CSNK2A2IP: variants seen among roughly 807,000 people sequenced by gnomAD.
The protein encoded by CSNK2A2IP is casein kinase 2 subunit alpha' interacting protein.
At chr3:88,397,126 C>A in the CSNK2A2IP span, among the ~76,000 whole-genome samples, 65 of 152,128 alleles carry the variant, frequency 4.3e-4, 1 homozygote, top group East Asian at 9.8e-3. Context: ...AAACATTTAC[C>A]GCCCAATAGG....
the CSNK2A2IP span, chr3:88,466,399 AC>A: frequency 8.1e-7 from 1 of 1,231,882 alleles, no homozygotes; most frequent in Non-Finnish European, 1.0e-6. Context: ...TCAGAATACC[AC>A]TTCACCAAAT....
the CSNK2A2IP span, chr3:88,467,455 A>G: frequency 5.0e-6 from 2 of 398,506 alleles, no homozygotes; most frequent in African/African-American, 4.1e-5. Context: ...CAGAAAACCA[A>G]ATCGAAGCCA....
the CSNK2A2IP span, among the ~76,000 whole-genome samples, chr3:88,376,447 A>G: frequency 1.3e-5 from 2 of 151,536 alleles, no homozygotes; most frequent in Non-Finnish European, 3.0e-5. Context: ...CTTGCTACAG[A>G]TCTTCACCTA....
the CSNK2A2IP span, among the ~76,000 whole-genome samples, chr3:88,355,253 A>T: frequency 6.6e-6 from 1 of 152,164 alleles, no homozygotes; most frequent in African/African-American, 2.4e-5. Context: ...TATAATTTCA[A>T]AAAGTTTGGA....
the CSNK2A2IP span, among the ~76,000 whole-genome samples, chr3:88,414,519 G>A: frequency 6.6e-6 from 1 of 151,692 alleles, no homozygotes; most frequent in South Asian, 2.1e-4. Context: ...CTGACCTCAT[G>A]ATCCACCTGC....
At chr3:88,442,145 C>T in the CSNK2A2IP span, among the ~76,000 whole-genome samples, 1 of 152,074 alleles carries the variant, frequency 6.6e-6, no homozygotes, top group Non-Finnish European at 1.5e-5. Context: ...ATATATAAGA[C>T]ACACATGCAC....
chr3:88,427,815 G>A, the CSNK2A2IP span, among the ~76,000 whole-genome samples: 1 of 152,144 alleles, frequency 6.6e-6, no homozygotes, highest in Non-Finnish European at 1.5e-5. Flanking sequence ...CAGGGGTGGA[G>A]CTCTCATGAA....
At chr3:88,402,975 C>G in the CSNK2A2IP span, among the ~76,000 whole-genome samples, 3 of 151,996 alleles carry the variant, frequency 2.0e-5, no homozygotes, top group African/African-American at 4.8e-5. Context: ...CAAATTCAAA[C>G]CAATTTAAAA....
the CSNK2A2IP span, among the ~76,000 whole-genome samples, chr3:88,456,176 C>A: frequency 2.0e-5 from 3 of 152,004 alleles, no homozygotes. Flanking sequence ...CTTTAGCTAT[C>A]AGGATATTTT....
the CSNK2A2IP span, among the ~76,000 whole-genome samples, chr3:88,405,841 C>T: frequency 6.6e-6 from 1 of 152,078 alleles, no homozygotes; most frequent in Non-Finnish European, 1.5e-5. Flanking sequence ...ATTCTTTATT[C>T]CATTAGGGAG....
At chr3:88,378,474 C>T in the CSNK2A2IP span, among the ~76,000 whole-genome samples, 2 of 151,836 alleles carry the variant, frequency 1.3e-5, no homozygotes, top group African/African-American at 4.8e-5. Flanking sequence ...ATGAACTGTT[C>T]AATACTGTAA....
chr3:88,419,343 G>A, the CSNK2A2IP span, among the ~76,000 whole-genome samples: 3 of 151,990 alleles, frequency 2.0e-5, no homozygotes. Flanking sequence ...TCCCACTTAT[G>A]AGAACATGCA....
chr3:88,449,226 CCAAA>C, the CSNK2A2IP span, among the ~76,000 whole-genome samples: 1 of 152,234 alleles, frequency 6.6e-6, no homozygotes, highest in Admixed American at 6.5e-5. Context: ...ATGGGCAAAA[CCAAA>C]CATTTTCCTT....
the CSNK2A2IP span, among the ~76,000 whole-genome samples, chr3:88,462,253 CTGTT>C: frequency 1.3e-5 from 2 of 151,902 alleles, no homozygotes; most frequent in Non-Finnish European, 1.5e-5. Context: ...TTTGTATGCT[CTGTT>C]TAAGAAATCT....
chr3:88,446,731 C>A, the CSNK2A2IP span, among the ~76,000 whole-genome samples: 1 of 152,090 alleles, frequency 6.6e-6, no homozygotes, highest in East Asian at 1.9e-4. Flanking sequence ...TGTGAGAATG[C>A]GATGAATTCT....
chr3:88,464,410 C>G, the CSNK2A2IP span, among the ~76,000 whole-genome samples: 1 of 151,156 alleles, frequency 6.6e-6, no homozygotes, highest in Admixed American at 6.6e-5. Context: ...AGAGAAGAGA[C>G]CTGGTAATAT....
At chr3:88,453,814 A>G in the CSNK2A2IP span, among the ~76,000 whole-genome samples, 1 of 152,008 alleles carries the variant, frequency 6.6e-6, no homozygotes, top group Non-Finnish European at 1.5e-5. Flanking sequence ...CCTTACATGG[A>G]ACTACTACAA....
At chr3:88,388,592 A>G in the CSNK2A2IP span, among the ~76,000 whole-genome samples, 1 of 152,210 alleles carries the variant, frequency 6.6e-6, no homozygotes, top group Admixed American at 6.5e-5. Context: ...GAGAATATAA[A>G]TGCATCCAAG....
At chr3:88,449,354 G>T in the CSNK2A2IP span, among the ~76,000 whole-genome samples, 1 of 152,080 alleles carries the variant, frequency 6.6e-6, no homozygotes, top group Non-Finnish European at 1.5e-5. Context: ...CAAAATAAAT[G>T]CTTTCAGATT....
Sources: gnomAD v4.1 joint callset for allele counts (sites outside exome capture counted in the v4.1 genomes callset) on GRCh38, gnomAD v4.1.1 for gene constraint, MANE v1.5 for transcripts, NCBI Gene and HGNC (gene_info 2026-07-23, HGNC 2026-07-21) for gene names.